The following PHKB variants were observed in gnomAD, a reference collection of about 807,000 sequenced individuals.
PHKB encodes phosphorylase kinase regulatory subunit beta, also known as phosphorylase b kinase regulatory subunit beta.
PHKB carries 122 observed loss-of-function variants against 152.1 expected under a neutral mutation model. The observed-to-expected ratio is 0.80, with a 90% confidence interval of 0.69 to 0.93. The LOEUF (loss-of-function observed/expected upper bound fraction) is 0.93, where lower values mean the gene tolerates loss of function less well. Ranked by LOEUF, PHKB falls within the 40% of genes least tolerant of loss-of-function variation. The pLI is 0.00. For missense variants in PHKB, 1,304 were observed against 1,328.4 expected, an observed-to-expected ratio of 0.98 and a Z score of 0.29; for synonymous variants, 436 against 464.9, an observed-to-expected ratio of 0.94 and a Z score of 0.80.
chr16:47,646,530 T>TAA (rs1208539721), intron 16 of PHKB, among the ~76,000 whole-genome samples: 4 of 44,668 alleles, frequency 9.0e-5, no homozygotes, highest in East Asian at 5.4e-4. Flanking sequence ...TAGAGTATAA[T>TAA]AAAAAAAAAA....
chr16:47,483,975 G>C (rs1361701792), intron 1 of PHKB, among the ~76,000 whole-genome samples: 1 of 152,146 alleles, frequency 6.6e-6, no homozygotes, highest in Non-Finnish European at 1.5e-5. Context: ...AAATGCATTT[G>C]TTTCCTAAAA....
intron 14 of PHKB, among the ~76,000 whole-genome samples, chr16:47,616,873 T>G (rs1972528993): frequency 6.6e-6 from 1 of 151,298 alleles, no homozygotes; most frequent in Non-Finnish European, 1.5e-5. Flanking sequence ...GTCATAAGAT[T>G]TAAAGGGATG....
rs543054364 is a variant in PHKB at position 47,636,568 on chromosome 16, C to T, written c.1459-4467C>T. ...CCCACTCCCAGCACCTGCAGCAGTA[C>T]GGAACAAAGTTGTGACTGAGCCTGG... On this transcript the variant is annotated intron_variant, in intron 14 of 30. Transcript: ENST00000323584. Among the ~76,000 whole-genome samples, 43 of 152,338 alleles carry T rather than the reference C, an allele frequency of 2.8e-4. No individual in the cohort carries two copies. The South Asian group carries it at 6.6e-3, about 23-fold the overall frequency.
Position 47,543,517 on chromosome 16 carries a change from A to T in PHKB, c.595-3916A>T, listed in dbSNP as rs867282690. ...TATCAGGATGATGCTGGCCTCATAA[A>T]ATGAGTTAGAGAGGATTCCCTCTTT... is the stretch of plus-strand genomic sequence containing the variant. On this transcript the variant is annotated intron_variant, in intron 6 of 30. Coordinates refer to ENST00000323584, the MANE Select transcript of PHKB (RefSeq NM_000293.3). 2.3e-4 allele frequency among the ~76,000 whole-genome samples: 35 copies of T among 152,298 alleles called. No homozygotes were observed. The Middle Eastern group carries it at 0.01, about 44-fold the overall frequency.
intron 1 of PHKB, among the ~76,000 whole-genome samples, chr16:47,465,551 G>T (rs2151625595): frequency 1.3e-5 from 2 of 152,274 alleles, no homozygotes; most frequent in South Asian, 4.1e-4. Context: ...TTTGAAGAAT[G>T]ATTCTTTATA....
chr16:47,628,971 T>G (rs1444235514), intron 14 of PHKB, among the ~76,000 whole-genome samples: 2 of 152,196 alleles, frequency 1.3e-5, no homozygotes, highest in Non-Finnish European at 1.5e-5. Context: ...GCTAGCCATA[T>G]GTAGAAAGCT....
intron 26 of PHKB, among the ~76,000 whole-genome samples, chr16:47,686,485 G>T (rs547805536): frequency 6.6e-6 from 1 of 152,214 alleles, no homozygotes; most frequent in Admixed American, 6.5e-5. Context: ...TAACATTTCA[G>T]AGCCTTTTTA....
intron 14 of PHKB, among the ~76,000 whole-genome samples, chr16:47,617,188 TAA>T (rs1202535048): frequency 6.8e-6 from 1 of 148,034 alleles, no homozygotes; most frequent in East Asian, 1.9e-4. Flanking sequence ...ACATTATATA[TAA>T]GTATATACTA....
At chr16:47,592,435 T>G (rs1972044378) in intron 10 of PHKB, among the ~76,000 whole-genome samples, 1 of 152,244 alleles carries the variant, frequency 6.6e-6, no homozygotes, top group Admixed American at 6.5e-5. Flanking sequence ...ACTGAATTGC[T>G]GGTAGATTCT....
chr16:47,598,801 A>G, intron 13 of PHKB: 7 of 1,595,410 alleles, frequency 4.4e-6, no homozygotes, highest in East Asian at 2.2e-5. Flanking sequence ...TTGGTCTTCT[A>G]ATTTTTTAAC....
At chr16:47,515,197 T>A (rs1970575175) in intron 5 of PHKB, among the ~76,000 whole-genome samples, 1 of 152,208 alleles carries the variant, frequency 6.6e-6, no homozygotes, top group Admixed American at 6.5e-5. Flanking sequence ...AAAAAACAAA[T>A]GATATGTTCC....
chr16:47,602,095 CTG>C (rs372241267), intron 13 of PHKB, among the ~76,000 whole-genome samples: 79 of 152,196 alleles, frequency 5.2e-4, no homozygotes, highest in African/African-American at 1.7e-3. Flanking sequence ...GAGTTTCACT[CTG>C]TCACCTAGGC....
chr16:47,467,811 A>G (rs559918818), intron 1 of PHKB, among the ~76,000 whole-genome samples: 1 of 152,278 alleles, frequency 6.6e-6, no homozygotes, highest in East Asian at 1.9e-4. Flanking sequence ...GTGCATTCTA[A>G]AAGCGATTTT....
intron 7 of PHKB, chr16:47,566,724 T>C: frequency 1.3e-6 from 1 of 769,294 alleles, no homozygotes. Flanking sequence ...ATCTTCATCA[T>C]TACTGTTCCA....
intron 14 of PHKB, among the ~76,000 whole-genome samples, chr16:47,638,555 G>C (rs1972961046): frequency 2.0e-5 from 3 of 152,076 alleles, no homozygotes; most frequent in Admixed American, 6.6e-5. Context: ...AATAAAGTAT[G>C]GTATATCCAC....
At chr16:47,696,597 C>T (rs1401406704) in intron 29 of PHKB, 109 bp downstream of exon 29, 1 of 737,602 alleles carries the variant, frequency 1.4e-6, no homozygotes. Context: ...CTTTCCAGTA[C>T]CCCGATCTCT....
chr16:47,508,580 A>G (rs1326709258), intron 4 of PHKB, among the ~76,000 whole-genome samples: 3 of 152,196 alleles, frequency 2.0e-5, no homozygotes, highest in Admixed American at 6.5e-5. Context: ...AATGGATGAC[A>G]AAATACTCAA....
chr16:47,641,138 G>T, intron 15 of PHKB, 48 bp downstream of exon 15: 1 of 1,343,902 alleles, frequency 7.4e-7, no homozygotes, highest in Non-Finnish European at 1.1e-6. Flanking sequence ...GAGGGGAGGG[G>T]AGGGGAAATG....
chr16:47,629,646 C>A (rs1016705305), intron 14 of PHKB, among the ~76,000 whole-genome samples: 3 of 151,708 alleles, frequency 2.0e-5, no homozygotes, highest in African/African-American at 7.3e-5. Context: ...ACTAGAAATA[C>A]CATTTGACCC....
Sources: gnomAD v4.1 joint callset for allele counts (sites outside exome capture counted in the v4.1 genomes callset) on GRCh38, gnomAD v4.1.1 for gene constraint, MANE v1.5 for transcripts, NCBI Gene and HGNC (gene_info 2026-07-23, HGNC 2026-07-21) for gene names.